The following TRABD2A variants were observed in gnomAD, a reference collection of about 807,000 sequenced individuals.
The protein encoded by TRABD2A is TraB domain containing 2A.
TRABD2A carries 43 observed loss-of-function variants against 45.6 expected under a neutral mutation model. That is an observed-to-expected ratio of 0.94 (90% CI 0.74 to 1.22). The LOEUF (loss-of-function observed/expected upper bound fraction) is 1.22, where lower values mean the gene tolerates loss of function less well. TRABD2A is among the 50% of genes most tolerant of loss of function. The pLI is 0.00. For missense variants in TRABD2A, 642 were observed against 652.4 expected, an observed-to-expected ratio of 0.98 and a Z score of 0.17; for synonymous variants, 269 against 265.0, an observed-to-expected ratio of 1.02 and a Z score of -0.15.
At chr2:84,834,261 A>G (rs1270522656) in intron 4 of TRABD2A, 2 of 152,234 alleles carry the variant, frequency 1.3e-5, no homozygotes, top group Non-Finnish European at 2.9e-5. Context: ...AAATGTGCAC[A>G]CGGTGCCCAA....
chr2:84,826,791 C>G (rs1681161861), intron 5 of TRABD2A, among the ~76,000 whole-genome samples: 1 of 152,238 alleles, frequency 6.6e-6, no homozygotes, highest in Non-Finnish European at 1.5e-5. Context: ...CTTGGCCTCC[C>G]AAAGTGCTGG....
intron 1 of TRABD2A, among the ~76,000 whole-genome samples, chr2:84,877,824 C>T (rs879919679): frequency 6.6e-6 from 1 of 152,234 alleles, no homozygotes; most frequent in African/African-American, 2.4e-5. Context: ...GCAATAACTG[C>T]ACTTTTCCAA....
intron 1 of TRABD2A, among the ~76,000 whole-genome samples, chr2:84,875,873 G>A (rs1447706610): frequency 6.6e-6 from 1 of 151,990 alleles, no homozygotes; most frequent in African/African-American, 2.4e-5. Context: ...GGCACCTCCA[G>A]TCCCAGCTAC....
intron 1 of TRABD2A, among the ~76,000 whole-genome samples, chr2:84,878,608 G>A (rs1428662828): frequency 2.6e-5 from 4 of 151,900 alleles, no homozygotes; most frequent in Non-Finnish European, 5.9e-5. Context: ...CTCAACCTGC[G>A]TGGTGCTCAG....
chr2:84,852,761 G>T (rs1682140302), intron 2 of TRABD2A, among the ~76,000 whole-genome samples: 1 of 152,184 alleles, frequency 6.6e-6, no homozygotes, highest in Non-Finnish European at 1.5e-5. Flanking sequence ...TCTCCATTGT[G>T]CAGAGTGACA....
chr2:84,832,080 C>T lies in TRABD2A; in HGVS notation c.1057G>A (p.Ala353Thr), dbSNP rs201984217. The change falls in exon 5 of 7, where the codon GCC becomes ACC. Residue 353 changes from alanine (A) to threonine (T), a missense_variant. Transcript: ENST00000409520. ...LRREGYEVEH[A>T]PAGRPIHKGK... The stretch of plus-strand genomic sequence containing the variant: ...TTGTGGATGGGTCGTCCAGCAGGGG[C>T]GTGTTCTACCTCATAGCCTTCACGC... 2.4e-4 allele frequency: 395 copies of T among 1,614,010 alleles called. No individual in the cohort carries two copies. The highest frequency in any genetic ancestry group is 3.1e-4 in the Non-Finnish European group (361 of 1,179,896).
At chr2:84,829,744 A>G (rs1681268346) in intron 5 of TRABD2A, among the ~76,000 whole-genome samples, 1 of 150,212 alleles carries the variant, frequency 6.7e-6, no homozygotes, top group Non-Finnish European at 1.5e-5. Context: ...ACACATGCAC[A>G]CACCAGCCAT....
intron 4 of TRABD2A, chr2:84,838,165 C>T: frequency 1.4e-6 from 1 of 713,650 alleles, no homozygotes; most frequent in Admixed American, 2.0e-5. Context: ...CATTCTGTCC[C>T]CTCCAGTAAC....
intron 1 of TRABD2A, among the ~76,000 whole-genome samples, chr2:84,879,126 T>A (rs1283026004): frequency 1.3e-5 from 2 of 152,194 alleles, no homozygotes; most frequent in Non-Finnish European, 2.9e-5. Flanking sequence ...CTATGTTGTG[T>A]TTTACTACTA....
intron 1 of TRABD2A, among the ~76,000 whole-genome samples, 184 bp downstream of exon 1, chr2:84,880,748 C>T (rs1431573028): frequency 3.3e-5 from 5 of 152,316 alleles, no homozygotes; most frequent in Middle Eastern, 3.4e-3. Context: ...GCTGCGCCCC[C>T]GCGGGAAAGG....
At chr2:84,880,081 C>T (rs1167339281) in intron 1 of TRABD2A, among the ~76,000 whole-genome samples, 2 of 146,122 alleles carry the variant, frequency 1.4e-5, no homozygotes, top group African/African-American at 5.0e-5. Context: ...AGATATCAAA[C>T]CCACCGGAAC....
intron 2 of TRABD2A, chr2:84,843,590 C>A (rs73946027): frequency 0.064 from 9,731 of 152,608 alleles, 444 homozygotes; most frequent in African/African-American, 0.12. Context: ...GCTGGGAAGT[C>A]CGAGATCAAG....
chr2:84,832,128 T>C lies in TRABD2A; in HGVS notation c.1009A>G (p.Asn337Asp). 1 of 1,614,012 alleles carries C rather than the reference T, an allele frequency of 6.2e-7. No individual in the cohort carries two copies. The highest frequency in any genetic ancestry group is 1.6e-4 in the Middle Eastern group (1 of 6,062). ...AFGAGHFMGN[N>D]TVLDVLRREG... The stretch of plus-strand genomic sequence containing the variant: ...CGCCGCAAAACATCCAGCACTGTGT[T>C]GTTGCCCATGAAATGACCTGCAGTG... The change falls in exon 5 of 7, where the codon AAC (asparagine) becomes GAC (aspartate). Residue 337 changes from asparagine (N) to aspartate (D), a missense_variant. Asn to Asp is a conservative substitution (Grantham distance 23). Transcript: ENST00000409520.
Position 84,824,035 on chromosome 2 carries a change from T to C in TRABD2A, c.1252A>G (p.Arg418Gly). 6.2e-7 allele frequency: 1 copy of C among 1,613,830 alleles called. No individual in the cohort carries two copies. The highest frequency in any genetic ancestry group is 8.5e-7 in the Non-Finnish European group (1 of 1,179,810). ...GACCGCCTCCGCTTCTTCCGGAACC[T>C]CTGTTCGGCCTCACTGGGCGTGTCG... is the stretch of plus-strand genomic sequence containing the variant. ...SADTPSEAEQRFRKKRRRSQR... is the reference protein window; with the variant it reads ...SADTPSEAEQGFRKKRRRSQR... Residue 418 changes from arginine to glycine, a missense_variant, in exon 6 of 7, where the codon AGG (arginine) becomes GGG (glycine). By Grantham distance (125) the Arg-to-Gly change is moderately radical. Coordinates refer to ENST00000409520, the MANE Select transcript of TRABD2A (RefSeq NM_001277053.2).
chr2:84,870,506 C>T lies in TRABD2A; in HGVS notation c.388G>A (p.Val130Ile). ...YCRLKRHLEY[V>I]KLMMPLWMTP... ...ATCCACAAGGGCATCATGAGCTTGA[C>T]ATACTCCAGGTGGCGCTTGAGGCGG... is the stretch of plus-strand genomic sequence containing the variant. The change falls in exon 2 of 7, where the codon GTC becomes ATC. Residue 130 changes from valine (V) to isoleucine (I), a missense_variant. Coordinates refer to ENST00000409520, the MANE Select transcript of TRABD2A (RefSeq NM_001277053.2). The T allele has an allele frequency of 1.2e-6, 2 of 1,614,030 alleles. No individual in the cohort carries two copies. The highest frequency in any genetic ancestry group is 1.7e-6 in the Non-Finnish European group (2 of 1,179,898).
intron 4 of TRABD2A, 41 bp downstream of exon 4, chr2:84,839,108 C>T (rs1298509675): frequency 6.2e-7 from 1 of 1,607,436 alleles, no homozygotes; most frequent in Non-Finnish European, 8.5e-7. Flanking sequence ...TGGGAGAAGC[C>T]TCAGATTTCA....
Position 84,832,081 on chromosome 2 carries a change from G to A in TRABD2A, c.1056C>T (p.His352=), listed in dbSNP as rs60429698. Residue 352 remains histidine, a synonymous_variant, in exon 5 of 7, where the codon CAC becomes CAT. Coordinates refer to ENST00000409520, the MANE Select transcript of TRABD2A (RefSeq NM_001277053.2). Reference sequence around the variant, plus strand: ...TGTGGATGGGTCGTCCAGCAGGGGCGTGTTCTACCTCATAGCCTTCACGCC... The same window carrying A: ...TGTGGATGGGTCGTCCAGCAGGGGCATGTTCTACCTCATAGCCTTCACGCC... ...VLRREGYEVE[H]APAGRPIHKG... 3.1e-3 allele frequency: 4,977 copies of A among 1,614,008 alleles called. 117 individuals carry two copies. In the African/African-American group the frequency reaches 0.059, roughly 19 times the overall value.
chr2:84,854,350 T>TA (rs962553599), intron 2 of TRABD2A, among the ~76,000 whole-genome samples: 19 of 152,226 alleles, frequency 1.2e-4, no homozygotes, highest in African/African-American at 4.6e-4. Context: ...CCCAACCACT[T>TA]ACAGTGGATG....
chr2:84,854,291 A>G (rs1025838893), intron 2 of TRABD2A, among the ~76,000 whole-genome samples: 1 of 152,042 alleles, frequency 6.6e-6, no homozygotes, highest in Admixed American at 6.6e-5. Flanking sequence ...CTTGGAACCA[A>G]TCCCCCATGG....
Sources: allele counts gnomAD v4.1 joint callset (sites outside exome capture counted in the v4.1 genomes callset), GRCh38; gene constraint gnomAD v4.1.1; transcripts MANE v1.5; gene names NCBI Gene and HGNC (gene_info 2026-07-23, HGNC 2026-07-21).